The following PCIF1 variants were observed in gnomAD, a reference collection of about 807,000 sequenced individuals.
The protein encoded by PCIF1 is phosphorylated CTD interacting factor 1.
A neutral mutation model predicts 86.9 loss-of-function variants in PCIF1; 12 were observed. The observed-to-expected ratio is 0.14, with a 90% confidence interval of 0.09 to 0.22. PCIF1 has a LOEUF of 0.22. PCIF1 is among the 10% of genes least tolerant of loss of function. The pLI is 1.00. For synonymous variants in PCIF1, 397 were observed against 372.0 expected (o/e 1.07, Z -0.77); for missense variants, 701 against 951.1 (o/e 0.74, Z 3.46).
intron 11 of PCIF1, 65 bp from the exon 12 acceptor site, chr20:45,945,646 T>C (rs997226889): frequency 1.3e-6 from 2 of 1,564,358 alleles, no homozygotes; most frequent in African/African-American, 2.7e-5. Flanking sequence ...ACAAAGCATG[T>C]GGCCCACAGT....
rs146019196 is a variant in PCIF1 at position 45,941,090 on chromosome 20, A to G, written c.556A>G (p.Ile186Val). 156 of 1,614,216 alleles carry G rather than the reference A, an allele frequency of 9.7e-5. No individual in the cohort carries two copies. In the African/African-American group the frequency reaches 1.9e-3, roughly 20 times the overall value. ...CCTGGACATCCAGACCAATGCTGTC[A>G]TCAAGCACCGGGGGCCTTCAGAGGT... is the stretch of plus-strand genomic sequence containing the variant. ...WDLDIQTNAV[I>V]KHRGPSEVLP... Residue 186 changes from isoleucine (I) to valine (V), a missense_variant, in exon 7 of 17, where the codon ATC becomes GTC. This residue lies in a region of PCIF1 where 125 missense variants were observed against 126.8 expected (regional missense o/e 0.99). Coordinates refer to ENST00000372409, the MANE Select transcript of PCIF1 (RefSeq NM_022104.4).
In PCIF1 at chr20:45,943,426, T is replaced by C. The variant is rs1372751105; in HGVS notation, c.905+3T>C. Reference sequence around the variant, plus strand: ...GCCAGGCGGCTCATCGAGTCCAGGTTTGCCTGTCTTCTGCCCCAGGCGAGA... The same window carrying C: ...GCCAGGCGGCTCATCGAGTCCAGGTCTGCCTGTCTTCTGCCCCAGGCGAGA... On this transcript the variant is annotated splice_donor_region_variant and intron_variant, in intron 9 of 16. Coordinates refer to ENST00000372409, the MANE Select transcript of PCIF1 (RefSeq NM_022104.4). The surrounding 1 kb of genome is among the most constrained non-coding windows in gnomAD (Gnocchi z 5.5). The C allele has an allele frequency of 4.3e-6, 7 of 1,612,306 alleles. No homozygotes were observed. Among genetic ancestry groups the C allele is most frequent in the Non-Finnish European group, 5.1e-6 (6 of 1,179,636 alleles).
At chr20:45,935,390 A>G (rs1015467779) in intron 1 of PCIF1, among the ~76,000 whole-genome samples, 3 of 152,120 alleles carry the variant, frequency 2.0e-5, no homozygotes, top group Non-Finnish European at 4.4e-5. Context: ...TTGCGCAGAT[A>G]GAGTTGTTTA....
rs1461459589 is a variant in PCIF1 at position 45,940,907 on chromosome 20, T to C, written c.486T>C (p.Asp162=). 18 of 1,614,034 alleles carry C rather than the reference T, an allele frequency of 1.1e-5. No individual in the cohort carries two copies. The highest frequency in any genetic ancestry group is 1.4e-5 in the Non-Finnish European group (17 of 1,180,014). ...TLKMWGTSPE[D]KQQAALLRPT... The stretch of plus-strand genomic sequence containing the variant: ...AGATGTGGGGTACGTCCCCTGAAGA[T>C]AAACAGCAGGCAGCTCTCCTACGAC... Residue 162 remains aspartate (D), a synonymous_variant, in exon 6 of 17, where the codon GAT becomes GAC. Transcript: ENST00000372409.
In PCIF1 at chr20:45,938,946, G is replaced by C. The variant is rs1025853913; in HGVS notation, c.-19-35G>C. 6.2e-6 allele frequency: 10 copies of C among 1,606,754 alleles called. No homozygotes were observed. The African/African-American group carries it at 1.2e-4, about 19-fold the overall frequency. On this transcript the variant is annotated intron_variant, in intron 2 of 16. Transcript: ENST00000372409. ...TGGATTGTAATTGGCGGGTGAGGGG[G>C]TGGAGCTGACACTCTTTGGTCCTCT...
At chr20:45,939,360 G>T in intron 4 of PCIF1, 21 bp downstream of exon 4, 1 of 1,612,382 alleles carries the variant, frequency 6.2e-7, no homozygotes. Flanking sequence ...GCCTAGGGTG[G>T]GGGGGTCTCA....
chr20:45,941,273 A>G, intron 7 of PCIF1, 66 bp downstream of exon 7: 2 of 1,534,096 alleles, frequency 1.3e-6, no homozygotes, highest in Non-Finnish European at 1.8e-6. Flanking sequence ...AGGTTTGGCC[A>G]GGCCAGTTTG....
intron 1 of PCIF1, among the ~76,000 whole-genome samples, chr20:45,936,954 A>C (rs1270294966): frequency 6.6e-6 from 1 of 151,938 alleles, no homozygotes; most frequent in Middle Eastern, 3.2e-3. Context: ...ACCAAACAAA[A>C]AGCTTTATTT....
intron 2 of PCIF1, among the ~76,000 whole-genome samples, chr20:45,938,471 C>T (rs1439215028): frequency 6.6e-6 from 1 of 152,138 alleles, no homozygotes; most frequent in Non-Finnish European, 1.5e-5. Context: ...GTCTTTTTTG[C>T]TGCTCTTGGT....
intron 2 of PCIF1, among the ~76,000 whole-genome samples, 183 bp from the exon 3 acceptor site, chr20:45,938,798 A>C (rs1568791015): frequency 1.3e-5 from 2 of 152,174 alleles, no homozygotes; most frequent in South Asian, 4.1e-4. Context: ...GCAGGAGTGC[A>C]CCCATTGAAC....
At chr20:45,942,279 T>C (rs1436984389) in intron 7 of PCIF1, among the ~76,000 whole-genome samples, 4 of 132,250 alleles carry the variant, frequency 3.0e-5, no homozygotes, top group Non-Finnish European at 6.6e-5. Flanking sequence ...CGGCCCACCC[T>C]TTTTTTTTTT....
Position 45,943,902 on chromosome 20 carries a change from A to G in PCIF1, c.1005+137A>G. 1 of 634,768 alleles carries G rather than the reference A, an allele frequency of 1.6e-6. No individual in the cohort carries two copies. The highest frequency in any genetic ancestry group is 2.8e-6 in the Non-Finnish European group (1 of 363,292). The allele number at this position is 634,768 out of a possible 1,614,324, so 39.3% of individuals were successfully genotyped here. ...TTGTGCAGTATGGCAGACGTTCGACATTCGTCAGTCCCCAAACTCATGACT... is the reference window on the plus strand; with the variant it reads ...TTGTGCAGTATGGCAGACGTTCGACGTTCGTCAGTCCCCAAACTCATGACT... On this transcript the variant is annotated intron_variant, in intron 10 of 16. Transcript: ENST00000372409. The surrounding 1 kb of genome is among the most constrained non-coding windows in gnomAD (Gnocchi z 5.5).
At position 45,943,361 on chromosome 20, in the gene PCIF1, G is replaced by T. The variant is rs766038014; in HGVS notation, c.843G>T (p.Arg281=). The T allele has an allele frequency of 6.2e-7, 1 of 1,614,032 alleles. No homozygotes were observed. The change falls in exon 9 of 17, where the codon CGG becomes CGT. Residue 281 remains arginine (R), a synonymous_variant. Coordinates refer to ENST00000372409, the MANE Select transcript of PCIF1 (RefSeq NM_022104.4). The surrounding 1 kb of genome is among the most constrained non-coding windows in gnomAD (Gnocchi z 5.5). ...IPIRLSRIKF[R]EEAKRLLFKY... ...GCAGGTTATCCCGAATCAAGTTCCG[G>T]GAGGAAGCCAAGCGCCTGCTCTTTA...
In PCIF1 at chr20:45,946,317, C is replaced by G. The variant is rs764219475; in HGVS notation, c.1546C>G (p.Leu516Val). Reference protein sequence around the residue: ...GVSFECFASPLNCYFRQYCSA... With the variant: ...GVSFECFASPVNCYFRQYCSA... ...CAGCTTCGAGTGCTTCGCCTCACCC[C>G]TCAACTGCTACTTCCGCCAGTACTG... Residue 516 changes from leucine to valine, a missense_variant, in exon 14 of 17, where the codon CTC (leucine) becomes GTC (valine). By Grantham distance (32) the Leu-to-Val change is conservative. This residue lies in a region of PCIF1 where 61 missense variants were observed against 118.5 expected (regional missense o/e 0.51). Transcript: ENST00000372409. 1.2e-6 allele frequency: 2 copies of G among 1,614,172 alleles called. No individual in the cohort carries two copies. Among genetic ancestry groups the G allele is most frequent in the East Asian group, 2.2e-5 (1 of 44,888 alleles).
chr20:45,946,425 AG>A, intron 14 of PCIF1, 41 bp downstream of exon 14: 3 of 1,596,996 alleles, frequency 1.9e-6, no homozygotes, highest in Non-Finnish European at 2.6e-6. Flanking sequence ...GCCAGGGAAG[AG>A]GTCCTCCAGA....
At position 45,934,810 on chromosome 20, in the gene PCIF1, A is replaced by C. The variant is rs982699752; in HGVS notation, c.-188+6A>C. On this transcript the variant is annotated splice_donor_region_variant and intron_variant, in intron 1 of 16. Coordinates refer to ENST00000372409, the MANE Select transcript of PCIF1 (RefSeq NM_022104.4). ...CTCCAGTCCGCTCCGGGCAGGTAAG[A>C]GTCCCAGGAAGCCATGGTCCCGCAG... The C allele has an allele frequency of 1.8e-4, 73 of 398,080 alleles. No individual in the cohort carries two copies. In the East Asian group the frequency reaches 2.5e-3, roughly 14 times the overall value. 24.7% of individuals were successfully genotyped at this position (398,080 alleles called of 1,614,324 possible).
In PCIF1 at chr20:45,939,312, G is replaced by C. The variant is rs781378398; in HGVS notation, c.222G>C (p.Met74Ile). 3 of 1,613,724 alleles carry C rather than the reference G, an allele frequency of 1.9e-6. No individual in the cohort carries two copies. In the Admixed American group the frequency reaches 5.0e-5, roughly 27 times the overall value. The change falls in exon 4 of 17, where the codon ATG becomes ATC. Residue 74 changes from methionine to isoleucine, a missense_variant. By Grantham distance (10) the Met-to-Ile change is conservative. Around this residue, in one of 7 missense-constraint regions of PCIF1, gnomAD observed 31 missense variants for 62.8 expected, o/e 0.49. Transcript: ENST00000372409. ...NRFTNQSLWE[M>I]PVLGQHDVIS... Reference sequence around the variant, plus strand: ...TCACCAACCAGTCCCTGTGGGAGATGCCCGTGCTGGGGCAGCACGATGTGA... The same window carrying C: ...TCACCAACCAGTCCCTGTGGGAGATCCCCGTGCTGGGGCAGCACGATGTGA...
intron 14 of PCIF1, 134 bp downstream of exon 14, chr20:45,946,518 C>T: frequency 9.1e-7 from 1 of 1,099,710 alleles, no homozygotes; most frequent in South Asian, 1.5e-5. Flanking sequence ...GGCTATGTGA[C>T]CTTGGACATG....
chr20:45,947,713 G>C lies in PCIF1; in HGVS notation c.2073G>C (p.Ser691=), dbSNP rs766789952. ...SSSSEAKDRD[S]GREQGPSREP... is the part of the protein sequence containing the mutation. ...CCTCGGAGGCCAAGGACCGGGACTCGGGCCGTGAGCAGGGTCCTAGCCGCG... is the reference window on the plus strand; with the variant it reads ...CCTCGGAGGCCAAGGACCGGGACTCCGGCCGTGAGCAGGGTCCTAGCCGCG... The change falls in exon 17 of 17, where the codon TCG becomes TCC. Residue 691 remains serine (S), a synonymous_variant. Transcript: ENST00000372409. The surrounding 1 kb of genome is among the most constrained non-coding windows in gnomAD (Gnocchi z 5.4). 6 of 1,606,574 alleles carry C rather than the reference G, an allele frequency of 3.7e-6. No individual in the cohort carries two copies. The highest frequency in any genetic ancestry group is 5.1e-6 in the Non-Finnish European group (6 of 1,176,132).
Sources: gnomAD v4.1 joint callset for allele counts (sites outside exome capture counted in the v4.1 genomes callset) on GRCh38, gnomAD v4.1.1 for gene constraint, gnomAD v4.1.1 regional missense constraint, Gnocchi (gnomAD v3.1) non-coding constraint, MANE v1.5 for transcripts, NCBI Gene and HGNC (gene_info 2026-07-23, HGNC 2026-07-21) for gene names.